The following CEP57L1 variants were observed in gnomAD, a reference collection of about 807,000 sequenced individuals.
CEP57L1 encodes the protein centrosomal protein 57 like 1.
CEP57L1 carries 37 observed loss-of-function variants against 61.0 expected under a neutral mutation model. The ratio of observed to expected loss-of-function variants is 0.61; its 90% CI spans 0.47 to 0.80. CEP57L1 has a LOEUF of 0.80. Ranked by LOEUF, CEP57L1 falls within the 30% of genes least tolerant of loss-of-function variation. The pLI, the probability that CEP57L1 is intolerant of heterozygous loss-of-function variation, is 0.00. For synonymous variants in CEP57L1, 137 were observed against 162.3 expected, an observed-to-expected ratio of 0.84 and a Z score of 1.19; for missense variants, 422 against 524.7, an observed-to-expected ratio of 0.80 and a Z score of 1.91.
rs12661985 is a variant in CEP57L1 at position 109,143,598 on chromosome 6, T to C, written c.-3-1621T>C. Among the ~76,000 whole-genome samples the C allele has an allele frequency of 2.8e-3, 433 of 152,266 alleles. 12 individuals are homozygous for C. The East Asian group carries it at 0.069, about 24-fold the overall frequency. On this transcript the variant is annotated intron_variant, in intron 1 of 10. Coordinates refer to ENST00000517392, the MANE Select transcript of CEP57L1 (RefSeq NM_001271852.3). ...GTCTACACATTTAATTTAAATAAAC[T>C]GTAGTCTACTTTTTAACTTACTGGC...
At chr6:109,157,119 A>C (rs555827628) in intron 7 of CEP57L1, 1 of 152,312 alleles carries the variant, frequency 6.6e-6, no homozygotes, top group East Asian at 1.9e-4. Flanking sequence ...TGAAGGAAAG[A>C]AAAGGTAACT....
chr6:109,174,418 G>C lies in CEP57L1; in HGVS notation c.*11448G>C, dbSNP rs1445418484. On this transcript the variant is annotated 3_prime_UTR_variant, in exon 11 of 11. Transcript: ENST00000517392. ...TTACATAAAAACAATTTCCAAGTTT[G>C]TTCACTGTGTATATTTTGTTCTTTT... is the stretch of plus-strand genomic sequence containing the variant. Among the ~76,000 whole-genome samples, 1 of 152,058 alleles carries C rather than the reference G, an allele frequency of 6.6e-6. No homozygotes were observed. The highest frequency in any genetic ancestry group is 1.5e-5 in the Non-Finnish European group (1 of 67,990).
At chr6:109,115,645 T>A (rs1456472360) in intron 1 of CEP57L1, among the ~76,000 whole-genome samples, 1 of 152,174 alleles carries the variant, frequency 6.6e-6, no homozygotes, top group Non-Finnish European at 1.5e-5. Flanking sequence ...AAAATTTGAT[T>A]ATTTATGATT....
rs889607279 is a variant in CEP57L1 at position 109,155,182 on chromosome 6, T to G, written c.580-48T>G. ...CTATTTGGAAAAGAAACAAATGATATTTGGCTCTAGTTTTTATGTAACAAT... is the reference window on the plus strand; with the variant it reads ...CTATTTGGAAAAGAAACAAATGATAGTTGGCTCTAGTTTTTATGTAACAAT... On this transcript the variant is annotated intron_variant, in intron 5 of 10. Coordinates refer to ENST00000517392, the MANE Select transcript of CEP57L1 (RefSeq NM_001271852.3). The G allele has an allele frequency of 2.6e-6, 3 of 1,172,332 alleles. No individual in the cohort carries two copies. In the African/African-American group the frequency reaches 4.7e-5, roughly 18 times the overall value. 72.6% of individuals were successfully genotyped at this position (1,172,332 alleles called of 1,614,324 possible).
chr6:109,135,032 A>G (rs549910331), intron 1 of CEP57L1, among the ~76,000 whole-genome samples: 4 of 152,214 alleles, frequency 2.6e-5, no homozygotes, highest in Middle Eastern at 3.4e-3. Flanking sequence ...CAAGCTACCA[A>G]TGACTTTCTT....
At chr6:109,121,680 A>T (rs1458826044) in intron 1 of CEP57L1, among the ~76,000 whole-genome samples, 2 of 152,102 alleles carry the variant, frequency 1.3e-5, no homozygotes, top group Admixed American at 6.5e-5. Context: ...AAAATCCCAG[A>T]GTGTGGAAGC....
intron 3 of CEP57L1, among the ~76,000 whole-genome samples, chr6:109,147,341 T>C (rs1402993711): frequency 6.6e-6 from 1 of 152,076 alleles, no homozygotes; most frequent in Middle Eastern, 3.2e-3. Context: ...TTAAACAATG[T>C]AAAACCAATA....
intron 6 of CEP57L1, 48 bp downstream of exon 6, chr6:109,155,355 A>G (rs769000086): frequency 1.2e-5 from 12 of 1,012,726 alleles, no homozygotes; most frequent in Non-Finnish European, 1.5e-5. Flanking sequence ...TATATGTTTT[A>G]TTATATTTTT....
chr6:109,145,268 C>G lies in CEP57L1; in HGVS notation c.47C>G (p.Pro16Arg), dbSNP rs1271687522. 2 of 1,603,940 alleles carry G rather than the reference C, an allele frequency of 1.2e-6. No individual in the cohort carries two copies. The highest frequency in any genetic ancestry group is 3.3e-5 in the Admixed American group (2 of 59,852). Residue 16 changes from proline to arginine, a missense_variant, in exon 2 of 11, where the codon CCT (proline) becomes CGT (arginine). Pro to Arg is a moderately radical substitution (Grantham distance 103). Transcript: ENST00000517392. ...AGTATAGTAGGAAGCTATCATAAAC[C>G]TCCAGAAAGAGTATTTGTTCCCTCA... ...MHSIVGSYHK[P>R]PERVFVPSFT... is the part of the protein sequence containing the mutation.
In CEP57L1 at chr6:109,170,099, A is replaced by G. The variant is rs1389129073; in HGVS notation, c.*7129A>G. ...CAGCAAAGCCACTCTGCTCTGGACA[A>G]TGGTCAGAAGGTAGGAAGAAGTGTT... On this transcript the variant is annotated 3_prime_UTR_variant, in exon 11 of 11. Coordinates refer to ENST00000517392, the MANE Select transcript of CEP57L1 (RefSeq NM_001271852.3). 1.3e-5 allele frequency among the ~76,000 whole-genome samples: 2 copies of G among 152,184 alleles called. No homozygotes were observed. The highest frequency in any genetic ancestry group is 6.5e-5 in the Admixed American group (1 of 15,278).
At chr6:109,117,652 T>C (rs1262358427) in intron 1 of CEP57L1, among the ~76,000 whole-genome samples, 1 of 152,202 alleles carries the variant, frequency 6.6e-6, no homozygotes, top group African/African-American at 2.4e-5. Context: ...GTTTGGCACA[T>C]GATAGATGCT....
intron 9 of CEP57L1, among the ~76,000 whole-genome samples, chr6:109,160,097 C>G (rs1171023940): frequency 6.6e-6 from 1 of 152,166 alleles, no homozygotes; most frequent in African/African-American, 2.4e-5. Context: ...AATTCCAGAA[C>G]TATGTGATTT....
At chr6:109,108,126 T>C (rs1434487196) in intron 1 of CEP57L1, among the ~76,000 whole-genome samples, 1 of 152,204 alleles carries the variant, frequency 6.6e-6, no homozygotes, top group Non-Finnish European at 1.5e-5. Flanking sequence ...AAACTAGTGT[T>C]GTCCACACCA....
chr6:109,109,203 C>A (rs187505241), intron 1 of CEP57L1, among the ~76,000 whole-genome samples: 168 of 152,234 alleles, frequency 1.1e-3, no homozygotes, highest in Non-Finnish European at 2.0e-3. Context: ...TACTTGAAGT[C>A]TGTTCTGTGG....
intron 1 of CEP57L1, among the ~76,000 whole-genome samples, chr6:109,119,355 A>G (rs1423540314): frequency 2.0e-5 from 3 of 152,184 alleles, no homozygotes; most frequent in African/African-American, 7.2e-5. Context: ...TAATGGGACC[A>G]ATAAATGATG....
chr6:109,114,959 C>T (rs1375987144), intron 1 of CEP57L1, among the ~76,000 whole-genome samples: 2 of 151,820 alleles, frequency 1.3e-5, no homozygotes, highest in Admixed American at 1.3e-4. Flanking sequence ...CCTTATACCC[C>T]ATAAATATAT....
At chr6:109,115,367 GT>G (rs1005921864) in intron 1 of CEP57L1, among the ~76,000 whole-genome samples, 7 of 152,066 alleles carry the variant, frequency 4.6e-5, no homozygotes, top group Middle Eastern at 3.4e-3. Flanking sequence ...AACAATTCTA[GT>G]AGTTGTAATG....
At chr6:109,143,164 ACT>A (rs142623420) in intron 1 of CEP57L1, among the ~76,000 whole-genome samples, 4 of 151,934 alleles carry the variant, frequency 2.6e-5, no homozygotes, top group South Asian at 4.2e-4. Context: ...TTTTATTTAA[ACT>A]CTCTCTCTTT....
At chr6:109,110,110 G>T (rs753049113) in intron 1 of CEP57L1, among the ~76,000 whole-genome samples, 3 of 152,118 alleles carry the variant, frequency 2.0e-5, no homozygotes, top group Non-Finnish European at 2.9e-5. Flanking sequence ...TTGAGGAATC[G>T]CCACACTGTC....
Sources: allele counts gnomAD v4.1 joint callset (sites outside exome capture counted in the v4.1 genomes callset), GRCh38; gene constraint gnomAD v4.1.1; transcripts MANE v1.5; gene names NCBI Gene and HGNC (gene_info 2026-07-23, HGNC 2026-07-21).